The following THEMIS variants were observed in gnomAD, a reference collection of about 807,000 sequenced individuals.
THEMIS encodes thymocyte selection associated.
THEMIS carries 37 observed loss-of-function variants against 52.6 expected under a neutral mutation model. The ratio of observed to expected loss-of-function variants is 0.70; its 90% confidence interval spans 0.54 to 0.93. The LOEUF is 0.93. THEMIS is among the 40% of genes least tolerant of loss of function. THEMIS has a pLI of 0.00. For synonymous variants in THEMIS, 292 were observed against 272.7 expected (o/e 1.07, Z -0.70); for missense variants, 808 against 763.1 (o/e 1.06, Z -0.69).
intron 4 of THEMIS, among the ~76,000 whole-genome samples, chr6:127,787,464 C>CA (rs1427311144): frequency 6.6e-6 from 1 of 152,160 alleles, no homozygotes; most frequent in Non-Finnish European, 1.5e-5. Flanking sequence ...CTTTGCATGG[C>CA]ATCACCTTAT....
chr6:127,725,018 A>G (rs1384032071), intron 4 of THEMIS, among the ~76,000 whole-genome samples: 5 of 152,030 alleles, frequency 3.3e-5, no homozygotes, highest in Non-Finnish European at 5.9e-5. Flanking sequence ...GAGAGCTACA[A>G]AGGACCTCTC....
At chr6:127,912,741 C>T (rs376388914) in intron 1 of THEMIS, among the ~76,000 whole-genome samples, 2 of 152,082 alleles carry the variant, frequency 1.3e-5, no homozygotes, top group South Asian at 2.1e-4. Context: ...TAATACACAA[C>T]TGAAAAAAGT....
chr6:127,811,860 T>C (rs1387179327), intron 4 of THEMIS, among the ~76,000 whole-genome samples: 1 of 152,162 alleles, frequency 6.6e-6, no homozygotes, highest in Non-Finnish European at 1.5e-5. Flanking sequence ...GGGAAGAAAA[T>C]TTCTGCTGGT....
At chr6:127,725,689 T>G (rs1228108815) in intron 4 of THEMIS, among the ~76,000 whole-genome samples, 1 of 152,138 alleles carries the variant, frequency 6.6e-6, no homozygotes, top group African/African-American at 2.4e-5. Context: ...GGCAATATTC[T>G]GAGGTTTTCT....
chr6:127,913,264 A>G (rs1274687086), intron 1 of THEMIS, among the ~76,000 whole-genome samples: 1 of 152,160 alleles, frequency 6.6e-6, no homozygotes, highest in African/African-American at 2.4e-5. Context: ...CTTTACCTCT[A>G]TGAAGCCTTT....
At chr6:127,739,031 T>G (rs1253401828) in intron 4 of THEMIS, among the ~76,000 whole-genome samples, 1 of 152,148 alleles carries the variant, frequency 6.6e-6, no homozygotes. Context: ...GCTGCACCAT[T>G]GCAAGCCCTG....
At chr6:127,707,447 C>T (rs911051338), downstream of THEMIS, among the ~76,000 whole-genome samples, 1 of 152,026 alleles carries the variant, frequency 6.6e-6, no homozygotes, top group African/African-American at 2.4e-5. Flanking sequence ...CATTCTGGTT[C>T]TCACAATCAG....
At chr6:127,854,197 C>T (rs1374832726) in intron 2 of THEMIS, among the ~76,000 whole-genome samples, 1 of 151,696 alleles carries the variant, frequency 6.6e-6, no homozygotes, top group Non-Finnish European at 1.5e-5. Context: ...TGAGTCAAAT[C>T]CTGCTTGTCA....
intron 4 of THEMIS, among the ~76,000 whole-genome samples, chr6:127,764,736 G>T (rs1776135568): frequency 6.6e-6 from 1 of 151,850 alleles, no homozygotes; most frequent in African/African-American, 2.4e-5. Context: ...TTAGATTTTT[G>T]AGTATCTTTA....
At position 127,852,468 on chromosome 6, in the gene THEMIS, T is replaced by G. The variant is rs1292498991; in HGVS notation, c.250+2562A>C. 2.6e-5 allele frequency among the ~76,000 whole-genome samples: 4 copies of G among 151,384 alleles called. No homozygotes were observed. In the East Asian group the frequency reaches 7.8e-4, roughly 29 times the overall value. ...TACAGAACATACTCTAGATCATATA[T>G]TAGTCCAAAAAAAACAAGTCTCAAT... On this transcript the variant is annotated intron_variant, in intron 2 of 5. Coordinates refer to ENST00000368248, the MANE Select transcript of THEMIS (RefSeq NM_001010923.3).
At chr6:127,914,437 C>T (rs1781476450) in intron 1 of THEMIS, among the ~76,000 whole-genome samples, 1 of 152,194 alleles carries the variant, frequency 6.6e-6, no homozygotes. Context: ...AATGCATCCT[C>T]AGGCAATTTC....
the THEMIS span, among the ~76,000 whole-genome samples, chr6:127,703,008 G>A: frequency 1.7e-5 from 2 of 116,482 alleles, no homozygotes; most frequent in Middle Eastern, 5.3e-3. Context: ...ATTTTGTAAC[G>A]TTGCAAAAAC....
chr6:127,773,326 C>T (rs1776449177), intron 4 of THEMIS, among the ~76,000 whole-genome samples: 1 of 152,102 alleles, frequency 6.6e-6, no homozygotes, highest in Non-Finnish European at 1.5e-5. Flanking sequence ...TACAGCATGG[C>T]TAATATGCCA....
intron 1 of THEMIS, among the ~76,000 whole-genome samples, chr6:127,912,958 C>T (rs1781444052): frequency 6.6e-6 from 1 of 152,198 alleles, no homozygotes; most frequent in Non-Finnish European, 1.5e-5. Context: ...ATCTTCTCGT[C>T]TAAGCAAAGT....
chr6:127,862,452 C>CTTTTTTTTTTTTTTTTTTTTTTTTTTTT (rs1562307581), intron 1 of THEMIS, among the ~76,000 whole-genome samples: 1 of 33,176 alleles, frequency 3.0e-5, no homozygotes, highest in Non-Finnish European at 6.2e-5. Flanking sequence ...TTTTTTTTTG[C>CTTTTTTTTTTTTTTTTTTTTTTTTTTTT]TCTGTTGCCC....
intron 4 of THEMIS, among the ~76,000 whole-genome samples, chr6:127,772,906 G>GTT (rs1448237183): frequency 6.6e-6 from 1 of 152,090 alleles, no homozygotes; most frequent in Non-Finnish European, 1.5e-5. Context: ...ATTAACATTT[G>GTT]TTTATTAGAC....
intron 2 of THEMIS, among the ~76,000 whole-genome samples, chr6:127,836,725 T>C: frequency 6.6e-6 from 1 of 152,258 alleles, no homozygotes; most frequent in African/African-American, 2.4e-5. Context: ...TAAAACTAAC[T>C]TCAACAGCAT....
intron 4 of THEMIS, among the ~76,000 whole-genome samples, chr6:127,764,323 G>C (rs1776120252): frequency 6.8e-6 from 1 of 146,730 alleles, no homozygotes. Flanking sequence ...ATAATCTTGA[G>C]GCATTTTTTT....
intron 2 of THEMIS, among the ~76,000 whole-genome samples, chr6:127,854,575 A>G (rs1317623334): frequency 6.6e-6 from 1 of 151,802 alleles, no homozygotes; most frequent in African/African-American, 2.4e-5. Context: ...TCAATTAGAT[A>G]AAAAAGACCA....
Sources: gnomAD v4.1 joint callset for allele counts (sites outside exome capture counted in the v4.1 genomes callset) on GRCh38, gnomAD v4.1.1 for gene constraint, MANE v1.5 for transcripts, NCBI Gene and HGNC (gene_info 2026-07-23, HGNC 2026-07-21) for gene names.